Variants in LMAN2 observed in about 807,000 individuals in gnomAD.
The protein encoded by LMAN2 is lectin, mannose binding 2, also known as vesicular integral-membrane protein VIP36.
A neutral mutation model predicts 39.3 loss-of-function variants in LMAN2; 22 were observed. The ratio of observed to expected loss-of-function variants is 0.56; its 90% CI spans 0.40 to 0.80. The LOEUF is 0.80. LMAN2 is among the 30% of genes least tolerant of loss of function. The pLI is 0.00. For synonymous variants in LMAN2, 207 were observed against 207.8 expected (o/e 1.00, Z 0.03); for missense variants, 494 against 505.4 (o/e 0.98, Z 0.22).
rs759710845 is a variant in LMAN2 at position 177,345,732 on chromosome 5, CATGCATTT to C, written c.315+5433_315+5440del. On this transcript the variant is annotated intron_variant, in intron 2 of 7. Coordinates refer to ENST00000303127, the MANE Select transcript of LMAN2 (RefSeq NM_006816.3). Reference sequence around the variant, plus strand: ...TCAGGAAGGCTCGCAGCAGCCATGGCATGCATTTATTTATTTATTTATTTATTTATTTA... The same window carrying C: ...TCAGGAAGGCTCGCAGCAGCCATGGCATTTATTTATTTATTTATTTATTTA... Among the ~76,000 whole-genome samples, 412 of 117,128 alleles carry C rather than the reference CATGCATTT, an allele frequency of 3.5e-3. 3 individuals carry two copies. Among genetic ancestry groups the C allele is most frequent in the Middle Eastern group, 9.4e-3 (2 of 212 alleles). 76.8% of individuals were successfully genotyped at this position (117,128 alleles called of 152,430 possible).
chr5:177,331,944 G>A lies in LMAN2; in HGVS notation c.*142C>T. 4 of 1,058,204 alleles carry A rather than the reference G, an allele frequency of 3.8e-6. No homozygotes were observed. The highest frequency in any genetic ancestry group is 5.3e-6 in the Non-Finnish European group (4 of 761,460). 65.6% of individuals were successfully genotyped at this position (1,058,204 alleles called of 1,614,324 possible). On this transcript the variant is annotated 3_prime_UTR_variant, in exon 8 of 8. Transcript: ENST00000303127. ...GCCACCTGTCCCTGCTGGGCAAGAA[G>A]CAAAATGTATGAAAATACTTTAATC...
chr5:177,343,146 T>C (rs1005232873), intron 2 of LMAN2, among the ~76,000 whole-genome samples: 5 of 152,042 alleles, frequency 3.3e-5, no homozygotes, highest in Non-Finnish European at 5.9e-5. Context: ...TCCCAGCTAT[T>C]CGGGAGGCTG....
In LMAN2 at chr5:177,332,691, C is replaced by A. The variant is rs75040051; in HGVS notation, c.911-445G>T. ...CAGCTGGATGCTCTCGGCAGCCCCCCAGGAGGGTCTCCCAGGACCTGAGTC... is the reference window on the plus strand; with the variant it reads ...CAGCTGGATGCTCTCGGCAGCCCCCAAGGAGGGTCTCCCAGGACCTGAGTC... On this transcript the variant is annotated intron_variant, in intron 7 of 7. Coordinates refer to ENST00000303127, the MANE Select transcript of LMAN2 (RefSeq NM_006816.3). This position sits in a 1 kb window ranked among gnomAD's most constrained non-coding sequence, Gnocchi z 6.3. Among the ~76,000 whole-genome samples the A allele has an allele frequency of 6.6e-6, 1 of 152,154 alleles. No homozygotes were observed. The highest frequency in any genetic ancestry group is 1.5e-5 in the Non-Finnish European group (1 of 68,002).
rs759076284 is a variant in LMAN2 at position 177,334,247 on chromosome 5, G to A, written c.910+37C>T. 17 of 1,588,674 alleles carry A rather than the reference G, an allele frequency of 1.1e-5. No homozygotes were observed. The East Asian group carries it at 1.8e-4, about 17-fold the overall frequency. ...GCTTCACCCCATTCTGGGTCAGGCC[G>A]CCCAGGCCCAGGCAGGGCGGGGCTG... On this transcript the variant is annotated intron_variant, in intron 7 of 7. Transcript: ENST00000303127.
intron 2 of LMAN2, among the ~76,000 whole-genome samples, chr5:177,348,748 G>A (rs1761676680): frequency 6.7e-6 from 1 of 149,044 alleles, no homozygotes; most frequent in Non-Finnish European, 1.5e-5. Context: ...GCTGGGCGTG[G>A]TGGTGCACAC....
At chr5:177,346,206 A>G (rs1370378281) in intron 2 of LMAN2, 1 of 176,118 alleles carries the variant, frequency 5.7e-6, no homozygotes, top group Non-Finnish European at 1.2e-5. Flanking sequence ...GAGCAAAGGA[A>G]AAGAATCTCA....
intron 2 of LMAN2, among the ~76,000 whole-genome samples, chr5:177,343,236 A>G (rs1334945731): frequency 6.6e-6 from 1 of 152,192 alleles, no homozygotes; most frequent in Admixed American, 6.5e-5. Context: ...GCCTGGCGAC[A>G]GGGCGAGACT....
chr5:177,338,544 T>C lies in LMAN2; in HGVS notation c.377A>G (p.Lys126Arg). 6.2e-7 allele frequency: 1 copy of C among 1,614,260 alleles called. No homozygotes were observed. The highest frequency in any genetic ancestry group is 2.2e-5 in the East Asian group (1 of 44,882). The stretch of plus-strand genomic sequence containing the variant: ...GGCGATGCCGTCTCCATGGAGGTTC[T>C]TCTTCCCTGTGCCGTGGACTTTGAA... Reference protein sequence around the residue: ...VHFKVHGTGKKNLHGDGIALW... With the variant: ...VHFKVHGTGKRNLHGDGIALW... Residue 126 changes from lysine (K) to arginine (R), a missense_variant, in exon 3 of 8, where the codon AAG (lysine) becomes AGG (arginine). Lys to Arg is a conservative substitution (Grantham distance 26, BLOSUM62 2). Transcript: ENST00000303127.
At chr5:177,340,675 C>T (rs944983502) in intron 2 of LMAN2, among the ~76,000 whole-genome samples, 71 of 152,086 alleles carry the variant, frequency 4.7e-4, no homozygotes, top group African/African-American at 1.6e-3. Flanking sequence ...GAGGCTGAGG[C>T]GGGAGAACTG....
At chr5:177,338,358 C>T in intron 3 of LMAN2, 130 bp downstream of exon 3, 1 of 704,806 alleles carries the variant, frequency 1.4e-6, no homozygotes, top group South Asian at 1.6e-5. Flanking sequence ...CGGGAGGCAG[C>T]ACTTTCCTAA....
intron 2 of LMAN2, among the ~76,000 whole-genome samples, chr5:177,340,189 A>AAAG (rs1285251745): frequency 6.6e-6 from 1 of 152,232 alleles, no homozygotes; most frequent in Non-Finnish European, 1.5e-5. Context: ...AGGCACAAAA[A>AAAG]AAGAAGGGAG....
intron 6 of LMAN2, among the ~76,000 whole-genome samples, chr5:177,335,118 A>G (rs1761450547): frequency 6.6e-6 from 1 of 152,218 alleles, no homozygotes; most frequent in African/African-American, 2.4e-5. Flanking sequence ...ATCTGAGGAA[A>G]GGCCTTGTTG....
rs146774241 is a variant in LMAN2, at chr5:177,332,977, G to C, written c.911-731C>G. ...TCAGGCGTCCCCACACCCAGGCCTC[G>C]GGCCCAGGCCCTGCCTTTCAGCGAC... On this transcript the variant is annotated intron_variant, in intron 7 of 7. Coordinates refer to ENST00000303127, the MANE Select transcript of LMAN2 (RefSeq NM_006816.3). The surrounding 1 kb of genome is among the most constrained non-coding windows in gnomAD (Gnocchi z 6.3). 6.6e-6 allele frequency among the ~76,000 whole-genome samples: 1 copy of C among 152,116 alleles called. No individual in the cohort carries two copies. Among genetic ancestry groups the C allele is most frequent in the Non-Finnish European group, 1.5e-5 (1 of 68,006 alleles).
intron 6 of LMAN2, 194 bp from the exon 7 acceptor site, chr5:177,334,597 G>A: frequency 1.6e-6 from 1 of 611,162 alleles, no homozygotes; most frequent in East Asian, 3.3e-5. Context: ...AAGAGAGGAG[G>A]CAGAGTGGAG....
In LMAN2 at chr5:177,340,440, G is replaced by A. The variant is rs146251692; in HGVS notation, c.316-1835C>T. On this transcript the variant is annotated intron_variant, in intron 2 of 7. Coordinates refer to ENST00000303127, the MANE Select transcript of LMAN2 (RefSeq NM_006816.3). ...CCCAATAGGTAGTTTTTCAACCCAC[G>A]TCCTCCCCCATCTAGTCTGGAGTGT... is the stretch of plus-strand genomic sequence containing the variant. Among the ~76,000 whole-genome samples the A allele has an allele frequency of 3.1e-3, 470 of 152,170 alleles. 3 individuals are homozygous for A. The highest frequency in any genetic ancestry group is 4.9e-3 in the Non-Finnish European group (336 of 68,012).
chr5:177,338,540 G>T lies in LMAN2; in HGVS notation c.381C>A (p.Asn127Lys). ...HFKVHGTGKK[N>K]LHGDGIALWY... is the part of the protein sequence containing the mutation. Reference sequence around the variant, plus strand: ...ACAAGGCGATGCCGTCTCCATGGAGGTTCTTCTTCCCTGTGCCGTGGACTT... The same window carrying T: ...ACAAGGCGATGCCGTCTCCATGGAGTTTCTTCTTCCCTGTGCCGTGGACTT... The change falls in exon 3 of 8, where the codon AAC (asparagine) becomes AAA (lysine). Residue 127 changes from asparagine (N) to lysine (K), a missense_variant. Coordinates refer to ENST00000303127, the MANE Select transcript of LMAN2 (RefSeq NM_006816.3). 2 of 1,614,250 alleles carry T rather than the reference G, an allele frequency of 1.2e-6. No homozygotes were observed. The highest frequency in any genetic ancestry group is 1.7e-6 in the Non-Finnish European group (2 of 1,180,048).
At chr5:177,338,765 C>A (rs1367569623) in intron 2 of LMAN2, among the ~76,000 whole-genome samples, 160 bp from the exon 3 acceptor site, 2 of 152,250 alleles carry the variant, frequency 1.3e-5, no homozygotes, top group African/African-American at 4.8e-5. Flanking sequence ...GACCACAGAC[C>A]CCTAAATGTT....
chr5:177,334,900 A>C (rs1208221071), intron 6 of LMAN2, among the ~76,000 whole-genome samples: 1 of 152,188 alleles, frequency 6.6e-6, no homozygotes, highest in Non-Finnish European at 1.5e-5. Flanking sequence ...ACCCACATAC[A>C]GGCTGCAGGG....
rs757222611 is a variant in LMAN2 at position 177,351,576 on chromosome 5, G to A, written c.72C>T (p.Gly24=). The part of the protein sequence containing the change: ...RRCLGRPGLL[G]PGPGPTTPLF... Reference sequence around the variant, plus strand: ...GAGGTGTAGTGGGGCCAGGGCCGGGGCCGAGAAGCCCAGGCCTTCCCAGGC... The same window carrying A: ...GAGGTGTAGTGGGGCCAGGGCCGGGACCGAGAAGCCCAGGCCTTCCCAGGC... Residue 24 remains glycine, a synonymous_variant, in exon 1 of 8, where the codon GGC becomes GGT. Coordinates refer to ENST00000303127, the MANE Select transcript of LMAN2 (RefSeq NM_006816.3). 1.9e-6 allele frequency: 3 copies of A among 1,613,836 alleles called. No individual in the cohort carries two copies. Among genetic ancestry groups the A allele is most frequent in the South Asian group, 2.2e-5 (2 of 91,062 alleles).
Sources: allele counts gnomAD v4.1 joint callset (sites outside exome capture counted in the v4.1 genomes callset), GRCh38; gene constraint gnomAD v4.1.1; non-coding constraint Gnocchi (gnomAD v3.1); transcripts MANE v1.5; gene names NCBI Gene and HGNC (gene_info 2026-07-23, HGNC 2026-07-21).